RBFOX2: variants seen among roughly 807,000 people sequenced by gnomAD.
RBFOX2 encodes the protein RNA binding fox-1 homolog 2, also known as RNA binding protein fox-1 homolog 2.
In RBFOX2, 10 loss-of-function variants were observed where a neutral mutation model predicts 49.1. The observed-to-expected ratio is 0.20, with a 90% CI of 0.13 to 0.35. RBFOX2 has a LOEUF of 0.35. Among genes scored for constraint, RBFOX2 ranks in the 10% least tolerant of loss-of-function variants. The pLI is 1.00. For synonymous variants in RBFOX2, 183 were observed against 187.4 expected (o/e 0.98, Z 0.19); for missense variants, 323 against 486.9 (o/e 0.66, Z 3.17).
chr22:35,910,583 C>T (rs925999181), intron 1 of RBFOX2, among the ~76,000 whole-genome samples: 20 of 152,140 alleles, frequency 1.3e-4, no homozygotes, highest in Admixed American at 1.0e-3. Context: ...TACCATTGTC[C>T]ATTTCTATAC....
chr22:35,962,225 T>C (rs2056270367), upstream of RBFOX2, among the ~76,000 whole-genome samples: 1 of 152,142 alleles, frequency 6.6e-6, no homozygotes, highest in Admixed American at 6.5e-5. Context: ...ATTTCCTCCA[T>C]CATAGGAAGA....
intron 2 of RBFOX2, among the ~76,000 whole-genome samples, chr22:35,787,636 A>T (rs998970732): frequency 4.6e-5 from 7 of 152,234 alleles, no homozygotes; most frequent in African/African-American, 1.7e-4. Context: ...TATAAATCAG[A>T]GAGAAAAAGG....
intron 2 of RBFOX2, among the ~76,000 whole-genome samples, chr22:35,798,039 G>C (rs1487211151): frequency 6.6e-6 from 1 of 152,128 alleles, no homozygotes; most frequent in Admixed American, 6.5e-5. Context: ...ACAATGGCAC[G>C]ATTTTGACTC....
At chr22:35,902,169 C>T (rs1278564869) in intron 1 of RBFOX2, among the ~76,000 whole-genome samples, 1 of 152,154 alleles carries the variant, frequency 6.6e-6, no homozygotes, top group Non-Finnish European at 1.5e-5. Flanking sequence ...ACTTCCCTTA[C>T]TTCTAACTAG....
At chr22:35,841,669 A>T (rs2040513478), upstream of RBFOX2, among the ~76,000 whole-genome samples, 2 of 152,204 alleles carry the variant, frequency 1.3e-5, no homozygotes, top group Non-Finnish European at 2.9e-5. Flanking sequence ...ATACTTTCTA[A>T]AAGACTACCC....
intron 1 of RBFOX2, among the ~76,000 whole-genome samples, chr22:35,952,319 A>G (rs2055041375): frequency 6.6e-6 from 1 of 152,208 alleles, no homozygotes; most frequent in Admixed American, 6.5e-5. Flanking sequence ...GCATAGCTAT[A>G]AGTATGACTA....
chr22:35,753,146 G>A (rs1004716084), intron 9 of RBFOX2, among the ~76,000 whole-genome samples: 5 of 152,178 alleles, frequency 3.3e-5, no homozygotes, highest in African/African-American at 1.2e-4. Context: ...CTCCGATTCG[G>A]TGCACTTTTC....
chr22:35,742,418 GGTCA>G (rs2145675551), exon 12 of RBFOX2: 1 of 152,756 alleles, frequency 6.5e-6, no homozygotes, highest in Non-Finnish European at 1.5e-5. Flanking sequence ...TGCTGTCATA[GGTCA>G]GTCATTTTAA....
At chr22:36,020,052 T>C (rs931018188) in intron 1 of RBFOX2, among the ~76,000 whole-genome samples, 2 of 152,098 alleles carry the variant, frequency 1.3e-5, no homozygotes, top group African/African-American at 4.8e-5. Context: ...GACAGAGATA[T>C]AGACCAATGG....
intron 5 of RBFOX2, among the ~76,000 whole-genome samples, chr22:35,766,007 A>T (rs1374241347): frequency 6.6e-6 from 1 of 152,238 alleles, no homozygotes; most frequent in African/African-American, 2.4e-5. Flanking sequence ...CCCTGCTGAC[A>T]GCCTTCAGGA....
At chr22:35,916,483 T>C (rs2050424087) in intron 1 of RBFOX2, among the ~76,000 whole-genome samples, 1 of 152,194 alleles carries the variant, frequency 6.6e-6, no homozygotes, top group Admixed American at 6.5e-5. Context: ...GGTTTCGCCA[T>C]GTTGTCCATG....
intron 1 of RBFOX2, among the ~76,000 whole-genome samples, chr22:35,834,569 G>A (rs1262982085): frequency 1.3e-5 from 2 of 152,146 alleles, no homozygotes; most frequent in African/African-American, 2.4e-5. Context: ...ATGAGGGAGT[G>A]CTGGTTTAGC....
chr22:36,022,031 T>C (rs929903389), intron 1 of RBFOX2, among the ~76,000 whole-genome samples: 1 of 152,244 alleles, frequency 6.6e-6, no homozygotes, highest in Admixed American at 6.5e-5. Flanking sequence ...CAATCATGTC[T>C]GTGGTTCTTC....
At chr22:35,750,873 T>C (rs1340860242) in intron 9 of RBFOX2, among the ~76,000 whole-genome samples, 1 of 152,246 alleles carries the variant, frequency 6.6e-6, no homozygotes, top group East Asian at 1.9e-4. Context: ...TGACTTCAAG[T>C]TCCAGCTTCT....
intron 1 of RBFOX2, among the ~76,000 whole-genome samples, chr22:35,892,341 A>G (rs1348532324): frequency 6.6e-6 from 1 of 152,164 alleles, no homozygotes; most frequent in Non-Finnish European, 1.5e-5. Flanking sequence ...CTGCCAACTG[A>G]CGCTACCAAA....
At chr22:35,832,241 C>T (rs542417740) in intron 1 of RBFOX2, among the ~76,000 whole-genome samples, 4 of 151,956 alleles carry the variant, frequency 2.6e-5, no homozygotes, top group South Asian at 2.1e-4. Flanking sequence ...GGCATGGTGA[C>T]GCACACCTGT....
chr22:35,929,844 G>A (rs2149667834), intron 1 of RBFOX2, among the ~76,000 whole-genome samples: 1 of 152,132 alleles, frequency 6.6e-6, no homozygotes, highest in African/African-American at 2.4e-5. Flanking sequence ...GGGAGAGAGG[G>A]AGGACTGGAG....
chr22:35,909,411 T>G (rs1281122220), intron 1 of RBFOX2, among the ~76,000 whole-genome samples: 1 of 152,140 alleles, frequency 6.6e-6, no homozygotes, highest in South Asian at 2.1e-4. Flanking sequence ...ACAACAGCAG[T>G]AAAAGGCTTA....
At chr22:35,756,630 G>A (rs1937037138) in intron 9 of RBFOX2, among the ~76,000 whole-genome samples, 1 of 152,074 alleles carries the variant, frequency 6.6e-6, no homozygotes, top group South Asian at 2.1e-4. Flanking sequence ...TGCAAAGTAT[G>A]TTTTTACATT....
Sources: gnomAD v4.1 joint callset for allele counts (sites outside exome capture counted in the v4.1 genomes callset) on GRCh38, gnomAD v4.1.1 for gene constraint, MANE v1.5 for transcripts, NCBI Gene and HGNC (gene_info 2026-07-23, HGNC 2026-07-21) for gene names.